The following DNAJC1 variants were observed in gnomAD, a reference collection of about 807,000 sequenced individuals.
DNAJC1 encodes DnaJ heat shock protein family (Hsp40) member C1.
In DNAJC1, 58 loss-of-function variants were observed where a neutral mutation model predicts 76.6. That is an observed-to-expected ratio of 0.76 (90% CI 0.61 to 0.94). The LOEUF (loss-of-function observed/expected upper bound fraction) is 0.94. Among genes scored for constraint, DNAJC1 ranks in the 40% least tolerant of loss-of-function variants. The pLI is 0.00. For missense variants in DNAJC1, 689 were observed against 677.3 expected, an observed-to-expected ratio of 1.02 and a Z score of -0.19; for synonymous variants, 258 against 267.9, an observed-to-expected ratio of 0.96 and a Z score of 0.36.
intron 7 of DNAJC1, among the ~76,000 whole-genome samples, chr10:21,888,337 A>G (rs1836401372): frequency 6.6e-6 from 1 of 152,192 alleles, no homozygotes; most frequent in African/African-American, 2.4e-5. Context: ...TGATTCCTCA[A>G]AGAGCTAAAA....
intron 8 of DNAJC1, among the ~76,000 whole-genome samples, chr10:21,817,090 G>A (rs1031908081): frequency 6.8e-6 from 1 of 146,290 alleles, no homozygotes; most frequent in Admixed American, 6.8e-5. Flanking sequence ...AACCCGGGAG[G>A]TGGAGCTTGC....
At chr10:21,780,157 T>G (rs1040586162) in intron 9 of DNAJC1, among the ~76,000 whole-genome samples, 1 of 152,214 alleles carries the variant, frequency 6.6e-6, no homozygotes, top group Non-Finnish European at 1.5e-5. Flanking sequence ...TGGAACCAAG[T>G]TGGAAAACAC....
At position 21,774,401 on chromosome 10, in the gene DNAJC1, T is replaced by C. The variant is rs537320971; in HGVS notation, c.1099-8092A>G. On this transcript the variant is annotated intron_variant, in intron 9 of 11. Coordinates refer to ENST00000376980, the MANE Select transcript of DNAJC1 (RefSeq NM_022365.4). ...TCAGAATCTCATAACCTGAGATTCATATAACTCTCTAACATCTTAAAGTCA... is the reference window on the plus strand; with the variant it reads ...TCAGAATCTCATAACCTGAGATTCACATAACTCTCTAACATCTTAAAGTCA... Among the ~76,000 whole-genome samples, 86 of 152,304 alleles carry C rather than the reference T, an allele frequency of 5.6e-4. 3 individuals carry two copies. The South Asian group carries it at 0.018, about 31-fold the overall frequency.
At chr10:21,879,415 A>G (rs1590029008) in intron 8 of DNAJC1, among the ~76,000 whole-genome samples, 1 of 152,104 alleles carries the variant, frequency 6.6e-6, no homozygotes, top group Admixed American at 6.6e-5. Flanking sequence ...CTTGAGGCCA[A>G]GAGTTTGAGA....
intron 8 of DNAJC1, among the ~76,000 whole-genome samples, chr10:21,869,527 C>G (rs570814139): frequency 8.6e-5 from 13 of 152,026 alleles, no homozygotes; most frequent in Non-Finnish European, 1.9e-4. Flanking sequence ...ATGTATAAAA[C>G]CAAGTTGTAA....
intron 8 of DNAJC1, among the ~76,000 whole-genome samples, chr10:21,832,166 G>T (rs563036679): frequency 6.6e-6 from 1 of 152,094 alleles, no homozygotes; most frequent in Non-Finnish European, 1.5e-5. Context: ...AACTGCTGAC[G>T]TTTTGCCATA....
intron 8 of DNAJC1, among the ~76,000 whole-genome samples, chr10:21,845,377 C>T (rs185076176): frequency 7.0e-6 from 1 of 143,694 alleles, no homozygotes; most frequent in Non-Finnish European, 1.5e-5. Context: ...TTTTTTGAGA[C>T]TGGGTCTTGT....
chr10:21,919,990 C>G, intron 4 of DNAJC1, 61 bp from the exon 5 acceptor site: 1 of 1,043,872 alleles, frequency 9.6e-7, no homozygotes, highest in Non-Finnish European at 1.4e-6. Flanking sequence ...CAAATGTTAT[C>G]TAGGCTCTTC....
At chr10:21,850,565 C>T (rs1835736463) in intron 8 of DNAJC1, among the ~76,000 whole-genome samples, 1 of 149,080 alleles carries the variant, frequency 6.7e-6, no homozygotes, top group African/African-American at 2.5e-5. Context: ...TGCTTCCTAG[C>T]ACAAGGGAGA....
At chr10:21,990,363 G>A (rs982766181) in intron 1 of DNAJC1, among the ~76,000 whole-genome samples, 3 of 152,024 alleles carry the variant, frequency 2.0e-5, no homozygotes, top group South Asian at 2.1e-4. Flanking sequence ...CCCTCAGTTT[G>A]GATGTATTTT....
intron 2 of DNAJC1, 123 bp downstream of exon 2, chr10:21,928,917 C>A: frequency 3.4e-6 from 2 of 596,670 alleles, no homozygotes; most frequent in Admixed American, 3.8e-5. Context: ...AAAATATACA[C>A]TATATTTTAA....
intron 8 of DNAJC1, among the ~76,000 whole-genome samples, chr10:21,833,838 A>G (rs1440972136): frequency 6.6e-6 from 1 of 152,220 alleles, no homozygotes; most frequent in Admixed American, 6.5e-5. Flanking sequence ...ATTACCACCA[A>G]CAAAATACTA....
rs34817098 is a variant in DNAJC1 at position 21,962,459 on chromosome 10, C to CTTTTTTTTTTTTTTTTTTTTTTTTTTT, written c.223-33319_223-33318insAAAAAAAAAAAAAAAAAAAAAAAAAAA. On this transcript the variant is annotated intron_variant, in intron 1 of 11. Coordinates refer to ENST00000376980, the MANE Select transcript of DNAJC1 (RefSeq NM_022365.4). ...GCAATTAAAACTTGCTATTTTATTG[C>CTTTTTTTTTTTTTTTTTTTTTTTTTTT]TTTTTTTTTTTTTTTTTTTTTTTGA... Among the ~76,000 whole-genome samples, 2 of 39,890 alleles carry CTTTTTTTTTTTTTTTTTTTTTTTTTTT rather than the reference C, an allele frequency of 5.0e-5. 1 individual carries two copies. 26.2% of individuals were successfully genotyped at this position (39,890 alleles called of 152,430 possible).
At chr10:21,830,782 G>C (rs1835344888) in intron 8 of DNAJC1, among the ~76,000 whole-genome samples, 1 of 151,948 alleles carries the variant, frequency 6.6e-6, no homozygotes. Context: ...TGGATGATTT[G>C]ACCAGATCAT....
At chr10:21,875,436 G>A (rs977490835) in intron 8 of DNAJC1, among the ~76,000 whole-genome samples, 4 of 152,194 alleles carry the variant, frequency 2.6e-5, no homozygotes, top group African/African-American at 9.7e-5. Flanking sequence ...GATTACAGGT[G>A]TAAGCCATCA....
In DNAJC1 at chr10:22,003,684, C is replaced by T. The variant is rs1215074755; in HGVS notation, c.-250G>A. ...CGTTCCGAAGACCCTCGCCCCCAGG[C>T]CTACACACAGCTGTAGAGGCAGCGC... On this transcript the variant is annotated 5_prime_UTR_variant, in exon 1 of 12. Coordinates refer to ENST00000376980, the MANE Select transcript of DNAJC1 (RefSeq NM_022365.4). 5.1e-6 allele frequency: 2 copies of T among 393,068 alleles called. No homozygotes were observed. The highest frequency in any genetic ancestry group is 8.8e-6 in the Non-Finnish European group (2 of 227,226). 24.3% of individuals were successfully genotyped at this position (393,068 alleles called of 1,614,324 possible). A position where few individuals can be genotyped will look rare whatever the true frequency, so the allele number is the denominator to read the frequency against.
intron 8 of DNAJC1, among the ~76,000 whole-genome samples, chr10:21,835,030 T>A (rs1222809928): frequency 6.6e-6 from 1 of 152,104 alleles, no homozygotes. Flanking sequence ...GACTGCCTCC[T>A]CAAGTGGGTC....
chr10:21,816,775 G>T (rs1360164203), intron 8 of DNAJC1, among the ~76,000 whole-genome samples: 3 of 144,658 alleles, frequency 2.1e-5, no homozygotes, highest in Non-Finnish European at 3.0e-5. Flanking sequence ...TCGATCTCCT[G>T]ACCTCGTGAT....
At chr10:21,935,620 ATATC>A (rs1837299585) in intron 1 of DNAJC1, among the ~76,000 whole-genome samples, 1 of 152,106 alleles carries the variant, frequency 6.6e-6, no homozygotes, top group Non-Finnish European at 1.5e-5. Flanking sequence ...ATAAACCTAT[ATATC>A]TAAGAATCTC....
Sources: gnomAD v4.1 joint callset for allele counts (sites outside exome capture counted in the v4.1 genomes callset) on GRCh38, gnomAD v4.1.1 for gene constraint, MANE v1.5 for transcripts, NCBI Gene and HGNC (gene_info 2026-07-23, HGNC 2026-07-21) for gene names.